KCTD1: variants seen among roughly 807,000 people sequenced by gnomAD.
The protein encoded by KCTD1 is BTB/POZ domain-containing protein KCTD1.
A neutral mutation model predicts 66.0 loss-of-function variants in KCTD1; 24 were observed. That is an observed-to-expected ratio of 0.36 (90% CI 0.26 to 0.51). The LOEUF (loss-of-function observed/expected upper bound fraction) is 0.51, where lower values mean the gene tolerates loss of function less well. Among genes scored for constraint, KCTD1 ranks in the 20% least tolerant of loss-of-function variants. The pLI is 0.95. For synonymous variants in KCTD1, 511 were observed against 517.2 expected (o/e 0.99, Z 0.16); for missense variants, 943 against 1,205.2 (o/e 0.78, Z 3.22).
At chr18:26,643,099 G>A (rs1036630872), upstream of KCTD1, among the ~76,000 whole-genome samples, 5 of 152,258 alleles carry the variant, frequency 3.3e-5, no homozygotes, top group African/African-American at 1.2e-4. Flanking sequence ...TGGAGGCTGG[G>A]ATGTCCAAGA....
chr18:26,474,822 T>C (rs1981255677), intron 3 of KCTD1, among the ~76,000 whole-genome samples: 1 of 152,228 alleles, frequency 6.6e-6, no homozygotes, highest in Non-Finnish European at 1.5e-5. Context: ...ACAGGCCCCT[T>C]CTGCCTCAAA....
upstream of KCTD1, among the ~76,000 whole-genome samples, chr18:26,630,147 T>C (rs1019383999): frequency 6.6e-6 from 1 of 152,190 alleles, no homozygotes; most frequent in Admixed American, 6.5e-5. Context: ...AAAGCAATGA[T>C]GGGTAAAACT....
At chr18:26,457,539 G>C (rs1401948149) in intron 4 of KCTD1, 1 of 152,224 alleles carries the variant, frequency 6.6e-6, no homozygotes, top group Non-Finnish European at 1.5e-5. Flanking sequence ...GTCACTAAAT[G>C]CTAACAGGAG....
intron 1 of KCTD1, among the ~76,000 whole-genome samples, chr18:26,583,814 C>T (rs1199711635): frequency 6.6e-6 from 1 of 152,136 alleles, no homozygotes; most frequent in African/African-American, 2.4e-5. Flanking sequence ...CTTCTTTCTC[C>T]ATCTGTCAAA....
chr18:26,644,735 C>A (rs148107578), upstream of KCTD1, among the ~76,000 whole-genome samples: 1,389 of 147,960 alleles, frequency 9.4e-3, 16 homozygotes, highest in South Asian at 0.018. Flanking sequence ...TCCAGCCTGG[C>A]AACAGAGTGA....
chr18:26,518,933 T>C (rs1983789864), intron 1 of KCTD1, among the ~76,000 whole-genome samples: 1 of 152,260 alleles, frequency 6.6e-6, no homozygotes, highest in South Asian at 2.1e-4. Flanking sequence ...CACTGTGCTA[T>C]ACAAAGTAAA....
At chr18:26,528,695 G>A (rs909724345) in intron 1 of KCTD1, among the ~76,000 whole-genome samples, 1 of 152,144 alleles carries the variant, frequency 6.6e-6, no homozygotes, top group Non-Finnish European at 1.5e-5. Flanking sequence ...TTCTTGCAGA[G>A]ATGACTAATG....
chr18:26,622,652 T>C (rs1003359278), intron 1 of KCTD1, among the ~76,000 whole-genome samples: 1 of 152,100 alleles, frequency 6.6e-6, no homozygotes, highest in Non-Finnish European at 1.5e-5. Flanking sequence ...TGAATATGCA[T>C]ATGAGATAAA....
upstream of KCTD1, among the ~76,000 whole-genome samples, chr18:26,640,907 C>T (rs957856157): frequency 1.2e-4 from 18 of 152,026 alleles, no homozygotes; most frequent in African/African-American, 4.4e-4. Context: ...ACAGAGAGGA[C>T]AAGGACGGCA....
intron 2 of KCTD1, among the ~76,000 whole-genome samples, chr18:26,487,725 T>C (rs1404428754): frequency 6.6e-6 from 1 of 152,212 alleles, no homozygotes; most frequent in Non-Finnish European, 1.5e-5. Flanking sequence ...CCTTCTGGGC[T>C]TAGTCGTGGT....
At chr18:26,656,932 G>T (rs974961763) in intron 1 of KCTD1, among the ~76,000 whole-genome samples, 3 of 150,268 alleles carry the variant, frequency 2.0e-5, no homozygotes, top group African/African-American at 4.9e-5. Flanking sequence ...GAGCCGCGGC[G>T]GAGCGGCCGC....
At chr18:26,459,255 C>G (rs1376340289) in intron 4 of KCTD1, 1 of 199,764 alleles carries the variant, frequency 5.0e-6, no homozygotes. Context: ...GAACACAGAG[C>G]TGTCCATCGT....
chr18:26,633,173 T>C (rs1402332687), upstream of KCTD1, among the ~76,000 whole-genome samples: 1 of 152,204 alleles, frequency 6.6e-6, no homozygotes, highest in African/African-American at 2.4e-5. Flanking sequence ...AAGTCTTGGA[T>C]ATGAGAATGT....
At chr18:26,598,690 C>A (rs990823388) in intron 1 of KCTD1, among the ~76,000 whole-genome samples, 1 of 152,128 alleles carries the variant, frequency 6.6e-6, no homozygotes, top group African/African-American at 2.4e-5. Context: ...ATATAGCTAT[C>A]CTAAGTGGGT....
chr18:26,561,039 A>T (rs1375048973), intron 1 of KCTD1, among the ~76,000 whole-genome samples: 1 of 152,238 alleles, frequency 6.6e-6, no homozygotes, highest in Non-Finnish European at 1.5e-5. Context: ...ATTATATCTC[A>T]TCTATTCAAC....
intron 1 of KCTD1, among the ~76,000 whole-genome samples, chr18:26,519,247 C>A (rs188069055): frequency 1.9e-4 from 29 of 152,264 alleles, no homozygotes; most frequent in African/African-American, 6.7e-4. Context: ...CTTAAAGAAT[C>A]CTCATGTAAA....
At chr18:26,620,053 C>T (rs943599890) in intron 1 of KCTD1, among the ~76,000 whole-genome samples, 2 of 152,114 alleles carry the variant, frequency 1.3e-5, no homozygotes, top group Admixed American at 1.3e-4. Flanking sequence ...TTGCTTGGGT[C>T]TCTCCTCACA....
chr18:26,629,135 G>A (rs17799945), intron 1 of KCTD1: 197,622 of 973,456 alleles, frequency 0.2, 20,894 homozygotes, highest in Non-Finnish European at 0.22. Context: ...AAGTGTGGAA[G>A]GGTTTTCTTA....
chr18:26,589,626 G>A lies in KCTD1; in HGVS notation c.-16+39521C>T, dbSNP rs528677020. ...GGTAGTTACTATCAATGGCCTAGCC[G>A]TTGGCCACTCTCCTTTCTTTCTTGC... On this transcript the variant is annotated intron_variant, in intron 1 of 4. Coordinates refer to the KCTD1 transcript ENST00000317932. Among the ~76,000 whole-genome samples, 15 of 152,254 alleles carry A rather than the reference G, an allele frequency of 9.9e-5. No individual in the cohort carries two copies. The South Asian group carries it at 1.5e-3, about 15-fold the overall frequency.
Sources: gnomAD v4.1 joint callset for allele counts (sites outside exome capture counted in the v4.1 genomes callset) on GRCh38, gnomAD v4.1.1 for gene constraint, MANE v1.5 for transcripts, NCBI Gene and HGNC (gene_info 2026-07-23, HGNC 2026-07-21) for gene names.